Variants in SRL observed in about 807,000 individuals in gnomAD.
The protein encoded by SRL is sarcalumenin.
SRL carries 23 observed loss-of-function variants against 39.5 expected under a neutral mutation model. That is an observed-to-expected ratio of 0.58 (90% CI 0.42 to 0.82). The LOEUF (loss-of-function observed/expected upper bound fraction) is 0.82, where lower values mean the gene tolerates loss of function less well. Ranked by LOEUF, SRL falls within the 40% of genes least tolerant of loss-of-function variation. The pLI is 0.00. For synonymous variants in SRL, 272 were observed against 237.4 expected, an observed-to-expected ratio of 1.15 and a Z score of -1.34; for missense variants, 592 against 607.8, an observed-to-expected ratio of 0.97 and a Z score of 0.27.
chr16:4,203,280 G>A lies in SRL; in HGVS notation c.164-19C>T, dbSNP rs757911752. 2.2e-5 allele frequency: 35 copies of A among 1,607,288 alleles called. No individual in the cohort carries two copies. The highest frequency in any genetic ancestry group is 1.7e-4 in the Middle Eastern group (1 of 6,030). ...AGCACCGCTGGAGACAGAGAGGGCC[G>A]GGGGAAGAGCATCACGCAGGTGCGA... On this transcript the variant is annotated intron_variant, in intron 2 of 5. Transcript: ENST00000399609.
In SRL at chr16:4,242,006, C is replaced by A. The variant is rs764791426; in HGVS notation, c.61+1G>T. The A allele has an allele frequency of 9.9e-6, 16 of 1,613,612 alleles. No homozygotes were observed. The highest frequency in any genetic ancestry group is 1.3e-5 in the Non-Finnish European group (15 of 1,179,946). On this transcript the variant is annotated splice_donor_variant, in intron 1 of 5. Coordinates refer to ENST00000399609, the MANE Select transcript of SRL (RefSeq NM_001098814.2). LOFTEE classifies it high-confidence loss of function. ...CTGGGTCATGCTGGGAGGGGCCCTA[C>A]CTGCTTGTCCTGAGAACAGGAGCGA...
intron 3 of SRL, among the ~76,000 whole-genome samples, chr16:4,202,526 G>A (rs898259227): frequency 8.6e-5 from 13 of 151,860 alleles, no homozygotes; most frequent in Admixed American, 3.3e-4. Context: ...CTGGGAGGCA[G>A]AGCTTGCAGT....
Position 4,227,051 on chromosome 16 carries a change from A to AATGG in SRL, c.61+14952_61+14955dup, listed in dbSNP as rs543919384. ...GAATGGACTGATGGATGGATGGATG[A>AATGG]ATGGATGGATGGATGGATGGATGAT... On this transcript the variant is annotated intron_variant, in intron 1 of 5. Coordinates refer to ENST00000399609, the MANE Select transcript of SRL (RefSeq NM_001098814.2). Among the ~76,000 whole-genome samples the AATGG allele has an allele frequency of 4.1e-4, 22 of 53,330 alleles. No individual in the cohort carries two copies. The South Asian group carries it at 5.0e-3, about 12-fold the overall frequency. 35.0% of individuals were successfully genotyped at this position (53,330 alleles called of 152,430 possible).
At chr16:4,217,032 A>C (rs2052468769) in intron 1 of SRL, among the ~76,000 whole-genome samples, 1 of 152,206 alleles carries the variant, frequency 6.6e-6, no homozygotes, top group Non-Finnish European at 1.5e-5. Flanking sequence ...GAAGGGGTCA[A>C]GGAATCTGGG....
At position 4,210,874 on chromosome 16, in the gene SRL, T is replaced by C. The variant is rs1295937161; in HGVS notation, c.62-6240A>G. Among the ~76,000 whole-genome samples the C allele has an allele frequency of 2.6e-5, 4 of 152,314 alleles. No individual in the cohort carries two copies. The East Asian group carries it at 7.7e-4, about 29-fold the overall frequency. On this transcript the variant is annotated intron_variant, in intron 1 of 5. Coordinates refer to ENST00000399609, the MANE Select transcript of SRL (RefSeq NM_001098814.2). ...CACAGCTAATAACTGGCTTGGGCCA[T>C]GTGACTTCAGAGCCACAGTATCCCC...
intron 3 of SRL, among the ~76,000 whole-genome samples, chr16:4,200,407 G>T (rs1208285201): frequency 6.6e-6 from 1 of 152,192 alleles, no homozygotes; most frequent in Non-Finnish European, 1.5e-5. Context: ...GCTCCTCACA[G>T]CAGGGGGCAC....
chr16:4,240,530 C>T (rs1683720623), intron 1 of SRL, among the ~76,000 whole-genome samples: 1 of 152,096 alleles, frequency 6.6e-6, no homozygotes, highest in African/African-American at 2.4e-5. Flanking sequence ...CAGGGGCAGA[C>T]GCACGCTGTG....
At chr16:4,229,747 T>C (rs2052638508) in intron 1 of SRL, among the ~76,000 whole-genome samples, 1 of 151,994 alleles carries the variant, frequency 6.6e-6, no homozygotes, top group Non-Finnish European at 1.5e-5. Flanking sequence ...TACATCCATG[T>C]AAAAAACCTG....
intron 1 of SRL, among the ~76,000 whole-genome samples, chr16:4,213,413 T>TTCTTTTTTTTTTTC (rs2052418483): frequency 7.9e-6 from 1 of 127,096 alleles, no homozygotes; most frequent in African/African-American, 3.2e-5. Context: ...TCTTTTTTTT[T>TTCTTTTTTTTTTTC]TTTTTTTTTT....
At chr16:4,206,667 C>G in intron 1 of SRL, 1 of 456,770 alleles carries the variant, frequency 2.2e-6, no homozygotes, top group Admixed American at 2.3e-5. Flanking sequence ...ACACACAAGA[C>G]TTCCAGGGAG....
At chr16:4,219,536 G>A (rs908845653) in intron 1 of SRL, among the ~76,000 whole-genome samples, 3 of 152,090 alleles carry the variant, frequency 2.0e-5, no homozygotes, top group East Asian at 1.9e-4. Flanking sequence ...TCACTGCAAC[G>A]TCCACCTCCC....
intron 1 of SRL, among the ~76,000 whole-genome samples, chr16:4,224,433 C>T (rs950677899): frequency 6.6e-5 from 10 of 152,168 alleles, no homozygotes; most frequent in South Asian, 2.1e-4. Flanking sequence ...AGGCCAGGCA[C>T]GGTGGTTCAT....
At chr16:4,231,530 C>T (rs991693875) in intron 1 of SRL, among the ~76,000 whole-genome samples, 2 of 152,092 alleles carry the variant, frequency 1.3e-5, no homozygotes, top group East Asian at 1.9e-4. Flanking sequence ...CCAGCTCGAG[C>T]CCCCCTTCCA....
In SRL at chr16:4,191,446, C is replaced by A. The variant is rs2052063212; in HGVS notation, c.*707G>T. The A allele has an allele frequency of 6.6e-6, 1 of 152,314 alleles. No individual in the cohort carries two copies. The highest frequency in any genetic ancestry group is 2.4e-5 in the African/African-American group (1 of 41,446). 9.4% of individuals were successfully genotyped at this position (152,314 alleles called of 1,614,324 possible). On this transcript the variant is annotated 3_prime_UTR_variant, in exon 6 of 6. Transcript: ENST00000399609. ...TGGGCAACATGGTGAAGTCCCGTTT[C>A]TACTAAAAATACAAAAATTGGCTGG... is the stretch of plus-strand genomic sequence containing the variant.
chr16:4,228,522 T>C (rs1476491235), intron 1 of SRL, among the ~76,000 whole-genome samples: 1 of 151,468 alleles, frequency 6.6e-6, no homozygotes, highest in Non-Finnish European at 1.5e-5. Flanking sequence ...GATCACTAGG[T>C]CAGGAGATCG....
At chr16:4,194,297 C>T (rs2052105700) in intron 5 of SRL, among the ~76,000 whole-genome samples, 1 of 152,226 alleles carries the variant, frequency 6.6e-6, no homozygotes, top group Non-Finnish European at 1.5e-5. Context: ...ATTCTGTACC[C>T]ATTAACAGTA....
intron 1 of SRL, chr16:4,207,203 T>A: frequency 2.2e-6 from 1 of 457,056 alleles, no homozygotes; most frequent in Non-Finnish European, 4.4e-6. Context: ...CTCCTCCTTC[T>A]TCCTCGCTTC....
At chr16:4,228,208 G>T (rs1210355867) in intron 1 of SRL, among the ~76,000 whole-genome samples, 1 of 121,786 alleles carries the variant, frequency 8.2e-6, no homozygotes, top group South Asian at 2.5e-4. Flanking sequence ...GAAGACTGAG[G>T]CAGGTGGATC....
At chr16:4,199,608 A>G (rs2052195125) in intron 3 of SRL, among the ~76,000 whole-genome samples, 1 of 146,646 alleles carries the variant, frequency 6.8e-6, no homozygotes, top group Middle Eastern at 3.8e-3. Context: ...TGGGCTCAAG[A>G]GATCCACCCA....
Sources: allele counts gnomAD v4.1 joint callset (sites outside exome capture counted in the v4.1 genomes callset), GRCh38; gene constraint gnomAD v4.1.1; transcripts MANE v1.5; gene names NCBI Gene and HGNC (gene_info 2026-07-23, HGNC 2026-07-21).